DCAF1: variants seen among roughly 807,000 people sequenced by gnomAD.
DCAF1 encodes DDB1- and CUL4-associated factor 1.
DCAF1 carries 15 observed loss-of-function variants against 128.0 expected under a neutral mutation model. The ratio of observed to expected loss-of-function variants is 0.12; its 90% CI spans 0.08 to 0.18. The LOEUF is 0.18. Ranked by LOEUF, DCAF1 falls within the 10% of genes least tolerant of loss-of-function variation. The pLI is 1.00. For missense variants in DCAF1, 988 were observed against 1,649.5 expected (o/e 0.60, Z 6.95); for synonymous variants, 610 against 603.0 (o/e 1.01, Z -0.17).
At chr3:51,445,930 GGCTTTTGCTTCTGTGAAGTACTCTT>G (rs1297259051) in intron 6 of DCAF1, among the ~76,000 whole-genome samples, 1 of 151,336 alleles carries the variant, frequency 6.6e-6, no homozygotes, top group Non-Finnish European at 1.5e-5. Context: ...TGACCATTCA[GGCTTTTGCTTCTGTGAAGTACTCTT>G]GCTTTTGCCA....
chr3:51,452,277 A>G (rs1577192519), intron 6 of DCAF1, among the ~76,000 whole-genome samples: 1 of 152,170 alleles, frequency 6.6e-6, no homozygotes, highest in Non-Finnish European at 1.5e-5. Flanking sequence ...AGTCTTAATT[A>G]TAACTTCTGA....
chr3:51,425,066 C>T (rs1259496483), intron 13 of DCAF1, among the ~76,000 whole-genome samples: 2 of 152,116 alleles, frequency 1.3e-5, no homozygotes, highest in Non-Finnish European at 2.9e-5. Context: ...GTAGTGAATG[C>T]TAAGAGTAAT....
chr3:51,443,931 T>C (rs190332425), intron 6 of DCAF1, 28 bp from the exon 7 acceptor site: 377 of 1,548,328 alleles, frequency 2.4e-4, no homozygotes, highest in Non-Finnish European at 3.1e-4. Flanking sequence ...AAATAGTACA[T>C]TTCGGAAAAA....
In DCAF1 at chr3:51,466,859, A is replaced by C; in HGVS notation, c.205T>G (p.Cys69Gly). 1 of 1,613,726 alleles carries C rather than the reference A, an allele frequency of 6.2e-7. No individual in the cohort carries two copies. Among genetic ancestry groups the C allele is most frequent in the South Asian group, 1.1e-5 (1 of 91,066 alleles). Residue 69 changes from cysteine to glycine, a missense_variant, in exon 5 of 25, where the codon TGT becomes GGT. By Grantham distance (159) the Cys-to-Gly change is radical. Transcript: ENST00000684031. ...ATTCTCAGCAAGTGGCCCAGCATAC[A>C]CTCTGGATCAGCTCGACCTACCAAG... ...DRHPGRADPE[C>G]MLGHLLRILF...
Position 51,441,911 on chromosome 3 carries a change from A to T in DCAF1, c.514-14T>A. On this transcript the variant is annotated splice_polypyrimidine_tract_variant and intron_variant, in intron 7 of 24. Transcript: ENST00000684031. The stretch of plus-strand genomic sequence containing the variant: ...CACTATTGCCACCTATCAACAGATA[A>T]TTGGAGAAAAAGGGGGTGCCTCTTT... 1 of 1,568,916 alleles carries T rather than the reference A, an allele frequency of 6.4e-7. No individual in the cohort carries two copies. The highest frequency in any genetic ancestry group is 1.4e-5 in the African/African-American group (1 of 73,132).
intron 5 of DCAF1, among the ~76,000 whole-genome samples, chr3:51,463,771 C>T (rs1404562426): frequency 6.6e-6 from 1 of 151,862 alleles, no homozygotes; most frequent in Admixed American, 6.6e-5. Context: ...ACGGTGAGAC[C>T]CTGTCTCCAA....
At chr3:51,489,186 C>G (rs1234143399) in intron 2 of DCAF1, among the ~76,000 whole-genome samples, 3 of 152,094 alleles carry the variant, frequency 2.0e-5, no homozygotes, top group Non-Finnish European at 4.4e-5. Context: ...GTAATCCCGG[C>G]GCTTTGGGAG....
intron 2 of DCAF1, among the ~76,000 whole-genome samples, chr3:51,487,490 C>T (rs187324047): frequency 8.9e-4 from 136 of 152,236 alleles, no homozygotes; most frequent in African/African-American, 3.2e-3. Flanking sequence ...GTGCTTTGTT[C>T]CATGATCTCA....
rs1256779139 is a variant in DCAF1, at chr3:51,414,849, A to T, written c.3612T>A (p.Asp1204Glu). The T allele has an allele frequency of 6.2e-7, 1 of 1,613,118 alleles. No homozygotes were observed. Among genetic ancestry groups the T allele is most frequent in the Non-Finnish European group, 8.5e-7 (1 of 1,179,276 alleles). ...TCAACAGCTTGTTGCCAGTCTGAAT[A>T]TCATAAATCTTTAGAGAAGAAGGGA... Reference protein sequence around the residue: ...GTKGDIAHIYDIQTGNKLLTL... With the variant: ...GTKGDIAHIYEIQTGNKLLTL... The change falls in exon 19 of 25, where the codon GAT becomes GAA. Residue 1204 changes from aspartate (D) to glutamate (E), a missense_variant. Asp to Glu is a conservative substitution (Grantham distance 45, BLOSUM62 2). Coordinates refer to ENST00000684031, the MANE Select transcript of DCAF1 (RefSeq NM_001387579.1).
chr3:51,455,992 C>T (rs1307142620), intron 6 of DCAF1, among the ~76,000 whole-genome samples: 6 of 152,156 alleles, frequency 3.9e-5, no homozygotes, highest in Admixed American at 6.5e-5. Context: ...ACACAGAAGA[C>T]GGGTGATTTC....
chr3:51,409,363 C>G (rs1456181218), intron 23 of DCAF1, among the ~76,000 whole-genome samples: 1 of 152,130 alleles, frequency 6.6e-6, no homozygotes, highest in East Asian at 1.9e-4. Context: ...CTTCCAACTC[C>G]CAAGGTGTCT....
At position 51,441,839 on chromosome 3, in the gene DCAF1, T is replaced by C. The variant is rs782387487; in HGVS notation, c.572A>G (p.Gln191Arg). 3 of 1,613,176 alleles carry C rather than the reference T, an allele frequency of 1.9e-6. No individual in the cohort carries two copies. Among genetic ancestry groups the C allele is most frequent in the Non-Finnish European group, 2.5e-6 (3 of 1,179,886 alleles). ...ELQLQEVALR[Q>R]ENKRPSPRKL... ...CCGTGGACTGGGACGCTTGTTTTCC[T>C]GCCGCAAAGCCACTTCCTGTAGCTG... The change falls in exon 8 of 25, where the codon CAG becomes CGG. Residue 191 changes from glutamine (Q) to arginine (R), a missense_variant. This residue lies in a region of DCAF1 where 210 missense variants were observed against 260.2 expected (regional missense o/e 0.81). Coordinates refer to ENST00000684031, the MANE Select transcript of DCAF1 (RefSeq NM_001387579.1).
chr3:51,407,423 T>G (rs1361464644), intron 23 of DCAF1, among the ~76,000 whole-genome samples: 3 of 152,162 alleles, frequency 2.0e-5, no homozygotes, highest in Non-Finnish European at 4.4e-5. Context: ...TGACCAGGTG[T>G]GTGTAATCAG....
rs367910277 is a variant in DCAF1 at position 51,403,438 on chromosome 3, C to T, written c.4213-43G>A. 5.8e-6 allele frequency: 9 copies of T among 1,545,844 alleles called. No individual in the cohort carries two copies. In the East Asian group the frequency reaches 1.2e-4, roughly 21 times the overall value. ...TGTTCATTAGTACAAACACAGAGGC[C>T]TGACCCATGGGGGCCACATGGCGGG... On this transcript the variant is annotated intron_variant, in intron 23 of 24. Coordinates refer to ENST00000684031, the MANE Select transcript of DCAF1 (RefSeq NM_001387579.1).
chr3:51,439,757 T>C (rs568959111), intron 9 of DCAF1, among the ~76,000 whole-genome samples: 2 of 152,250 alleles, frequency 1.3e-5, no homozygotes, highest in East Asian at 3.9e-4. Context: ...TCTGGGGGGC[T>C]GAGGCGAGTG....
intron 17 of DCAF1, among the ~76,000 whole-genome samples, chr3:51,417,589 G>A (rs558676456): frequency 1.1e-4 from 17 of 152,144 alleles, no homozygotes; most frequent in East Asian, 3.9e-4. Context: ...GTGTGGTGGC[G>A]GGCGCCTCTA....
At chr3:51,409,545 C>G (rs1254410466) in intron 23 of DCAF1, among the ~76,000 whole-genome samples, 2 of 152,142 alleles carry the variant, frequency 1.3e-5, no homozygotes, top group Non-Finnish European at 2.9e-5. Flanking sequence ...GTTTTGGCCT[C>G]AGATTTATGC....
At chr3:51,474,212 A>G (rs1553649592) in intron 3 of DCAF1, among the ~76,000 whole-genome samples, 1 of 151,968 alleles carries the variant, frequency 6.6e-6, no homozygotes, top group Non-Finnish European at 1.5e-5. Context: ...TGAGGTTGGG[A>G]GTTCGAAATC....
rs529552790 is a variant in DCAF1, at chr3:51,441,091, C to T, written c.1027-20G>A. On this transcript the variant is annotated intron_variant, in intron 8 of 24. Transcript: ENST00000684031. Reference sequence around the variant, plus strand: ...AAGTAGCTGAAATGAACACCAAATACAAGTCTTAAATTTTGGCTTTATTGT... The same window carrying T: ...AAGTAGCTGAAATGAACACCAAATATAAGTCTTAAATTTTGGCTTTATTGT... The T allele has an allele frequency of 7.5e-6, 12 of 1,592,784 alleles. No homozygotes were observed. In the East Asian group the frequency reaches 2.3e-4, roughly 30 times the overall value.
Sources: gnomAD v4.1 joint callset for allele counts (sites outside exome capture counted in the v4.1 genomes callset) on GRCh38, gnomAD v4.1.1 for gene constraint, gnomAD v4.1.1 regional missense constraint, MANE v1.5 for transcripts, NCBI Gene and HGNC (gene_info 2026-07-23, HGNC 2026-07-21) for gene names.